The following CREB5 variants were observed in gnomAD, a reference collection of about 807,000 sequenced individuals.
CREB5 encodes the protein cAMP responsive element binding protein 5, also known as cyclic AMP-responsive element-binding protein 5.
Under a neutral mutation model 57.1 loss-of-function variants are expected in CREB5, and 19 were observed. The ratio of observed to expected loss-of-function variants is 0.33; its 90% CI spans 0.23 to 0.49. The LOEUF is 0.49. Ranked by LOEUF, CREB5 falls within the 20% of genes least tolerant of loss-of-function variation. The pLI is 0.99. For missense variants in CREB5, 579 were observed against 671.6 expected, an observed-to-expected ratio of 0.86 and a Z score of 1.52; for synonymous variants, 238 against 238.3, an observed-to-expected ratio of 1.00 and a Z score of 0.01.
At chr7:28,313,610 G>C (rs947897255) in intron 1 of CREB5, among the ~76,000 whole-genome samples, 3 of 152,132 alleles carry the variant, frequency 2.0e-5, no homozygotes, top group Admixed American at 6.5e-5. Flanking sequence ...GTGTTTCGGG[G>C]ATGGGAGATG....
chr7:28,598,567 T>C (rs1419929690), intron 5 of CREB5, among the ~76,000 whole-genome samples: 1 of 152,188 alleles, frequency 6.6e-6, no homozygotes, highest in Non-Finnish European at 1.5e-5. Flanking sequence ...ATTGGGTCAT[T>C]CCTTGTGTCC....
intron 1 of CREB5, among the ~76,000 whole-genome samples, chr7:28,461,830 A>G (rs1300291888): frequency 3.3e-5 from 5 of 152,118 alleles, no homozygotes; most frequent in Admixed American, 2.6e-4. Context: ...AAACAGGAAA[A>G]TGGGAGTACA....
intron 1 of CREB5, among the ~76,000 whole-genome samples, chr7:28,420,818 A>AT (rs1382593337): frequency 1.3e-5 from 2 of 151,332 alleles, no homozygotes; most frequent in African/African-American, 4.9e-5. Flanking sequence ...AAAAAAAAAA[A>AT]AAAAAAAAAA....
At chr7:28,488,369 C>T (rs1791663724) in intron 2 of CREB5, 123 bp downstream of exon 2, 1 of 728,654 alleles carries the variant, frequency 1.4e-6, no homozygotes, top group Non-Finnish European at 2.3e-6. Flanking sequence ...CACCAAAGTC[C>T]CCCTCCCCAT....
At chr7:28,679,943 A>G (rs1800506860) in intron 5 of CREB5, among the ~76,000 whole-genome samples, 1 of 152,130 alleles carries the variant, frequency 6.6e-6, no homozygotes, top group African/African-American at 2.4e-5. Context: ...CCATCTCCCC[A>G]AAGAGCCAGG....
At chr7:28,301,105 T>C (rs1785091351) in intron 1 of CREB5, among the ~76,000 whole-genome samples, 1 of 152,232 alleles carries the variant, frequency 6.6e-6, no homozygotes, top group South Asian at 2.1e-4. Context: ...CTCTAATATG[T>C]AGACAGATTT....
At chr7:28,360,591 C>T (rs1408017782) in intron 1 of CREB5, among the ~76,000 whole-genome samples, 1 of 151,974 alleles carries the variant, frequency 6.6e-6, no homozygotes, top group Non-Finnish European at 1.5e-5. Context: ...GAGATGTGGT[C>T]AAAGGGTACA....
intron 5 of CREB5, among the ~76,000 whole-genome samples, chr7:28,610,908 T>A (rs4722822): frequency 0.12 from 18,589 of 151,208 alleles, 1,245 homozygotes; most frequent in African/African-American, 0.16. Context: ...TGTGTGTGTG[T>A]GAGAGAGAGA....
intron 5 of CREB5, among the ~76,000 whole-genome samples, chr7:28,592,034 CT>C (rs1562817300): frequency 6.6e-6 from 1 of 152,152 alleles, no homozygotes; most frequent in East Asian, 1.9e-4. Context: ...ATTCTGATTC[CT>C]CAGACCCTTT....
At chr7:28,655,627 TAAGTA>T (rs1799305145) in intron 5 of CREB5, among the ~76,000 whole-genome samples, 1 of 152,042 alleles carries the variant, frequency 6.6e-6, no homozygotes, top group Non-Finnish European at 1.5e-5. Flanking sequence ...ACAAATTAAT[TAAGTA>T]ATTAATTTAA....
chr7:28,454,245 G>A (rs1583482235), intron 1 of CREB5, among the ~76,000 whole-genome samples: 1 of 152,244 alleles, frequency 6.6e-6, no homozygotes. Flanking sequence ...GAGCCACCAC[G>A]CGCGGCTCCA....
intron 1 of CREB5, among the ~76,000 whole-genome samples, chr7:28,367,719 A>G (rs1365784959): frequency 6.6e-6 from 1 of 152,146 alleles, no homozygotes; most frequent in Admixed American, 6.5e-5. Context: ...GAGGCAGGAG[A>G]ATTGCTTGAA....
chr7:28,375,775 A>G (rs1479153317), intron 1 of CREB5, among the ~76,000 whole-genome samples: 1 of 151,790 alleles, frequency 6.6e-6, no homozygotes, highest in Non-Finnish European at 1.5e-5. Flanking sequence ...GAGGCCTGGA[A>G]TGTTCCTAGA....
chr7:28,317,295 G>T (rs772767845), intron 1 of CREB5, among the ~76,000 whole-genome samples: 2 of 152,196 alleles, frequency 1.3e-5, no homozygotes, highest in Non-Finnish European at 2.9e-5. Flanking sequence ...GGCACCAGCA[G>T]TGAAAACCTT....
intron 4 of CREB5, among the ~76,000 whole-genome samples, chr7:28,532,611 T>G (rs1793779222): frequency 6.6e-6 from 1 of 152,186 alleles, no homozygotes. Context: ...GTTTGTTTGT[T>G]TTTGTTTTTT....
At chr7:28,353,105 G>C (rs1443957427) in intron 1 of CREB5, among the ~76,000 whole-genome samples, 1 of 150,982 alleles carries the variant, frequency 6.6e-6, no homozygotes, top group South Asian at 2.1e-4. Context: ...TTTTGTTTTT[G>C]TTTTTTGAGA....
At chr7:28,637,015 A>T (rs1037273497) in intron 5 of CREB5, among the ~76,000 whole-genome samples, 2 of 151,984 alleles carry the variant, frequency 1.3e-5, no homozygotes, top group Non-Finnish European at 2.9e-5. Flanking sequence ...TTAGCCAGGT[A>T]TGGTAGTGTG....
At chr7:28,471,121 A>G (rs761794097) in intron 1 of CREB5, among the ~76,000 whole-genome samples, 1 of 152,114 alleles carries the variant, frequency 6.6e-6, no homozygotes, top group Non-Finnish European at 1.5e-5. Context: ...TTGCCTGTGC[A>G]TGTGGGTATT....
chr7:28,433,370 T>G lies in CREB5; in HGVS notation c.3+20453T>G, dbSNP rs565571531. On this transcript the variant is annotated intron_variant, in intron 1 of 10. Transcript: ENST00000357727. The stretch of plus-strand genomic sequence containing the variant: ...TAGGTCAAAAATTGTTTTAATTTGC[T>G]TTTATTTGATTAAAAGGGGTATTGA... 9.3e-4 allele frequency among the ~76,000 whole-genome samples: 141 copies of G among 152,346 alleles called. 1 individual carries two copies. The highest frequency in any genetic ancestry group is 3.7e-3 in the Admixed American group (57 of 15,300).
Sources: allele counts gnomAD v4.1 joint callset (sites outside exome capture counted in the v4.1 genomes callset), GRCh38; gene constraint gnomAD v4.1.1; transcripts MANE v1.5; gene names NCBI Gene and HGNC (gene_info 2026-07-23, HGNC 2026-07-21).